CEP350: variants seen among roughly 807,000 people sequenced by gnomAD.
CEP350 encodes the protein centrosome-associated protein 350.
In CEP350, 126 loss-of-function variants were observed where a neutral mutation model predicts 331.8. The observed-to-expected ratio is 0.38, with a 90% CI of 0.33 to 0.44. The LOEUF (loss-of-function observed/expected upper bound fraction) is 0.44, where lower values mean the gene tolerates loss of function less well. CEP350 is among the 20% of genes least tolerant of loss of function. CEP350 has a pLI of 1.00. For missense variants in CEP350, 3,406 were observed against 3,634.6 expected, an observed-to-expected ratio of 0.94 and a Z score of 1.62; for synonymous variants, 1,200 against 1,259.5, an observed-to-expected ratio of 0.95 and a Z score of 1.00.
At chr1:179,988,519 T>C (rs1193800693) in intron 3 of CEP350, among the ~76,000 whole-genome samples, 1 of 152,156 alleles carries the variant, frequency 6.6e-6, no homozygotes, top group South Asian at 2.1e-4. Context: ...AGTTACTTCT[T>C]TTTTGTATCA....
chr1:179,971,763 G>T (rs1321633915), intron 1 of CEP350, among the ~76,000 whole-genome samples: 1 of 152,154 alleles, frequency 6.6e-6, no homozygotes, highest in African/African-American at 2.4e-5. Flanking sequence ...GCTTCTGTTT[G>T]CATTCAGTCT....
intron 18 of CEP350, 85 bp downstream of exon 18, chr1:180,041,333 GA>G (rs1210012422): frequency 2.0e-5 from 19 of 953,982 alleles, no homozygotes; most frequent in Non-Finnish European, 2.8e-5. Context: ...AATTATATAG[GA>G]GAAAAAAGTG....
At chr1:180,109,255 G>A (rs1452832479) in intron 37 of CEP350, among the ~76,000 whole-genome samples, 2 of 151,300 alleles carry the variant, frequency 1.3e-5, no homozygotes, top group African/African-American at 2.4e-5. Context: ...GAGTAGCTGC[G>A]ATTACAGGTG....
In CEP350 at chr1:180,111,122, T is replaced by A. The variant is rs747204714; in HGVS notation, c.9315T>A (p.Asn3105Lys). 4 of 1,613,862 alleles carry A rather than the reference T, an allele frequency of 2.5e-6. No individual in the cohort carries two copies. The highest frequency in any genetic ancestry group is 3.4e-6 in the Non-Finnish European group (4 of 1,179,884). ...TLIKDTIDVL[N>K]QISEKQGRML... is the part of the protein sequence containing the mutation. ...TCAAAGATACTATTGATGTTCTGAA[T>A]CAGATCAGTGAAAAGCAGGGGAGAA... is the stretch of plus-strand genomic sequence containing the variant. The change falls in exon 38 of 38, where the codon AAT (asparagine) becomes AAA (lysine). Residue 3105 changes from asparagine (N) to lysine (K), a missense_variant. Asn to Lys is a moderately conservative substitution (Grantham distance 94, BLOSUM62 0). This residue lies in a region of CEP350 where 29 missense variants were observed against 52.8 expected (regional missense o/e 0.55). Coordinates refer to ENST00000367607, the MANE Select transcript of CEP350 (RefSeq NM_014810.5).
At chr1:180,080,419 T>A in intron 29 of CEP350, 98 bp from the exon 30 acceptor site, 1 of 1,058,578 alleles carries the variant, frequency 9.4e-7, no homozygotes, top group Non-Finnish European at 1.4e-6. Context: ...TTAAATTCTT[T>A]GTAAATGTTA....
intron 33 of CEP350, among the ~76,000 whole-genome samples, chr1:180,091,798 C>T (rs1195177512): frequency 6.6e-6 from 1 of 151,212 alleles, no homozygotes; most frequent in Non-Finnish European, 1.5e-5. Context: ...CACTGCACTC[C>T]AGCTTGGGTG....
chr1:180,013,636 A>T (rs1433285430), intron 9 of CEP350, among the ~76,000 whole-genome samples: 1 of 152,234 alleles, frequency 6.6e-6, no homozygotes, highest in Non-Finnish European at 1.5e-5. Flanking sequence ...AACCAAGGAA[A>T]TATAGTTTTT....
rs983102789 is a variant in CEP350, at chr1:180,080,560, G to A, written c.6023G>A (p.Ser2008Asn). ...ACATCTGTGTCAAAGCAGGAGTCTAGCAAAGGAAGTCATAGGACTGGAGGA... is the reference window on the plus strand; with the variant it reads ...ACATCTGTGTCAAAGCAGGAGTCTAACAAAGGAAGTCATAGGACTGGAGGA... The part of the protein sequence containing the change: ...SCTSVSKQES[S>N]KGSHRTGGQC... The change falls in exon 30 of 38, where the codon AGC (serine) becomes AAC (asparagine). Residue 2008 changes from serine to asparagine, a missense_variant. By Grantham distance (46) the Ser-to-Asn change is conservative. This residue lies in a region of CEP350 where 1,415 missense variants were observed against 1,512.3 expected (regional missense o/e 0.94). Transcript: ENST00000367607. 2 of 1,613,616 alleles carry A rather than the reference G, an allele frequency of 1.2e-6. No individual in the cohort carries two copies. The highest frequency in any genetic ancestry group is 2.7e-5 in the African/African-American group (2 of 74,910).
At chr1:180,031,870 C>G (rs1203174411) in intron 15 of CEP350, among the ~76,000 whole-genome samples, 3 of 152,088 alleles carry the variant, frequency 2.0e-5, no homozygotes, top group Non-Finnish European at 4.4e-5. Flanking sequence ...GTGCATAACT[C>G]TACTTGAAGT....
Position 180,093,510 on chromosome 1 carries a change from G to C in CEP350, c.7405G>C (p.Glu2469Gln). 6.2e-7 allele frequency: 1 copy of C among 1,612,744 alleles called. No homozygotes were observed. Among genetic ancestry groups the C allele is most frequent in the African/African-American group, 1.3e-5 (1 of 75,048 alleles). ...CCCTACTGAGCTGATGAAAAGTAAGGAGCGCAGTGATGTGGAGCATGAACA... is the reference window on the plus strand; with the variant it reads ...CCCTACTGAGCTGATGAAAAGTAAGCAGCGCAGTGATGTGGAGCATGAACA... ...KSPTELMKSK[E>Q]RSDVEHEQQV... Residue 2469 changes from glutamate to glutamine, a missense_variant, in exon 34 of 38, where the codon GAG becomes CAG. Around this residue, in one of 5 missense-constraint regions of CEP350, gnomAD observed 1,415 missense variants for 1,512.3 expected, o/e 0.94. Coordinates refer to ENST00000367607, the MANE Select transcript of CEP350 (RefSeq NM_014810.5).
At chr1:180,071,185 C>T (rs1046159198) in intron 27 of CEP350, among the ~76,000 whole-genome samples, 6 of 149,192 alleles carry the variant, frequency 4.0e-5, no homozygotes, top group Non-Finnish European at 5.9e-5. Flanking sequence ...AAGCCGGGCA[C>T]GGTGGCTCAT....
chr1:179,998,303 C>CTTTTTTTTTTTTTT (rs763257368), intron 6 of CEP350, among the ~76,000 whole-genome samples: 2 of 112,076 alleles, frequency 1.8e-5, no homozygotes, highest in African/African-American at 7.1e-5. Flanking sequence ...CTTCTATTTT[C>CTTTTTTTTTTTTTT]TTTTTTTTTT....
intron 1 of CEP350, among the ~76,000 whole-genome samples, chr1:179,966,222 T>C (rs1288817449): frequency 6.6e-6 from 1 of 152,192 alleles, no homozygotes; most frequent in East Asian, 1.9e-4. Context: ...TAAAGAGTCT[T>C]TTTATAAAAA....
chr1:180,106,681 C>T, intron 37 of CEP350, among the ~76,000 whole-genome samples: 1 of 152,144 alleles, frequency 6.6e-6, no homozygotes, highest in East Asian at 1.9e-4. Context: ...ATCCTCCTGC[C>T]TCGGTCTTCC....
intron 25 of CEP350, among the ~76,000 whole-genome samples, chr1:180,059,634 T>G (rs1658073787): frequency 6.6e-6 from 1 of 152,122 alleles, no homozygotes; most frequent in African/African-American, 2.4e-5. Context: ...CCTTTTTTTT[T>G]TTTTCATGGA....
intron 14 of CEP350, among the ~76,000 whole-genome samples, chr1:180,026,195 C>T (rs911979992): frequency 5.9e-5 from 9 of 151,620 alleles, no homozygotes; most frequent in Non-Finnish European, 1.3e-4. Context: ...CGCTTGAACC[C>T]AGGAGGCAGA....
chr1:179,999,282 G>A (rs1165231995), intron 6 of CEP350, among the ~76,000 whole-genome samples: 1 of 152,040 alleles, frequency 6.6e-6, no homozygotes, highest in Non-Finnish European at 1.5e-5. Context: ...CAGAATGAGA[G>A]TGAAAATCTT....
rs1655219573 is a variant in CEP350, at chr1:180,020,011, C to T, written c.2237C>T (p.Ser746Phe). The change falls in exon 12 of 38, where the codon TCT becomes TTT. Residue 746 changes from serine (S) to phenylalanine (F), a missense_variant. By Grantham distance (155) the Ser-to-Phe change is radical (BLOSUM62 -2). Coordinates refer to ENST00000367607, the MANE Select transcript of CEP350 (RefSeq NM_014810.5). ...AGATTGAGCCCACAAGTTCACCATT[C>T]TCAACCACAGCCTTTTGCTGGAACA... ...PERLSPQVHH[S>F]QPQPFAGTAG... 1 of 1,613,686 alleles carries T rather than the reference C, an allele frequency of 6.2e-7. No homozygotes were observed. Among genetic ancestry groups the T allele is most frequent in the African/African-American group, 1.3e-5 (1 of 74,934 alleles).
At chr1:180,041,837 C>G (rs1245226447) in intron 19 of CEP350, 35 bp downstream of exon 19, 1 of 1,582,278 alleles carries the variant, frequency 6.3e-7, no homozygotes, top group South Asian at 1.1e-5. Flanking sequence ...CTTTTTACTT[C>G]TTTTTAGTCA....
Sources: allele counts gnomAD v4.1 joint callset (sites outside exome capture counted in the v4.1 genomes callset), GRCh38; gene constraint gnomAD v4.1.1; regional missense constraint gnomAD v4.1.1; transcripts MANE v1.5; gene names NCBI Gene and HGNC (gene_info 2026-07-23, HGNC 2026-07-21).